The following RYR2 variants were observed in gnomAD, a reference collection of about 807,000 sequenced individuals.
RYR2 encodes ryanodine receptor 2.
A neutral mutation model predicts 601.1 loss-of-function variants in RYR2; 227 were observed. The observed-to-expected ratio is 0.38, with a 90% CI of 0.34 to 0.42. The LOEUF is 0.42. Among genes scored for constraint, RYR2 ranks in the 10% least tolerant of loss-of-function variants. The pLI, the probability that RYR2 is intolerant of heterozygous loss-of-function variation, is 1.00. For missense variants in RYR2, 4,646 were observed against 6,156.5 expected (o/e 0.75, Z 8.21); for synonymous variants, 2,223 against 2,175.1 (o/e 1.02, Z -0.61).
chr1:237,667,370 A>C (rs1388874640), intron 57 of RYR2, among the ~76,000 whole-genome samples: 2 of 152,224 alleles, frequency 1.3e-5, no homozygotes, highest in East Asian at 3.8e-4. Context: ...AGTAAACTTG[A>C]AAATCAAATG....
Position 237,445,919 on chromosome 1 carries a change from C to T in RYR2, c.1292+397C>T, listed in dbSNP as rs182647797. Reference sequence around the variant, plus strand: ...GCATCCTCTGCCTCCTGGGTTCAAGCGATTCTCCTCCCTCAGCCTCCCGAG... The same window carrying T: ...GCATCCTCTGCCTCCTGGGTTCAAGTGATTCTCCTCCCTCAGCCTCCCGAG... On this transcript the variant is annotated intron_variant, in intron 14 of 104. Coordinates refer to ENST00000366574, the MANE Select transcript of RYR2 (RefSeq NM_001035.3). 5.4e-3 allele frequency among the ~76,000 whole-genome samples: 816 copies of T among 152,164 alleles called. 11 individuals carry two copies. Among genetic ancestry groups the T allele is most frequent in the African/African-American group, 0.019 (779 of 41,524 alleles).
chr1:237,587,086 C>T (rs534553607), intron 29 of RYR2, among the ~76,000 whole-genome samples: 5 of 152,280 alleles, frequency 3.3e-5, no homozygotes, highest in Non-Finnish European at 5.9e-5. Context: ...CTGTGTTAGT[C>T]ATCTTTTACT....
chr1:237,800,474 G>GA (rs1480589694), intron 97 of RYR2, among the ~76,000 whole-genome samples: 1 of 151,870 alleles, frequency 6.6e-6, no homozygotes, highest in Non-Finnish European at 1.5e-5. Context: ...AACCCTTAGT[G>GA]AAAAAAATCT....
At chr1:237,295,553 C>T (rs1006742128) in intron 2 of RYR2, among the ~76,000 whole-genome samples, 8 of 151,938 alleles carry the variant, frequency 5.3e-5, no homozygotes, top group South Asian at 2.1e-4. Flanking sequence ...TCTTAATCAC[C>T]GAAAATACAA....
intron 24 of RYR2, among the ~76,000 whole-genome samples, chr1:237,516,511 C>T (rs565186000): frequency 6.6e-6 from 1 of 152,316 alleles, no homozygotes; most frequent in South Asian, 2.1e-4. Flanking sequence ...ATTCTCACCA[C>T]TCCACTCCGT....
chr1:237,452,827 C>T (rs1658364925), intron 14 of RYR2, among the ~76,000 whole-genome samples: 1 of 151,286 alleles, frequency 6.6e-6, no homozygotes, highest in Non-Finnish European at 1.5e-5. Context: ...TGATATACAT[C>T]TTTGTATTAG....
chr1:237,645,938 G>A (rs1231095662), intron 48 of RYR2, among the ~76,000 whole-genome samples: 5 of 149,718 alleles, frequency 3.3e-5, no homozygotes, highest in Non-Finnish European at 5.9e-5. Context: ...ATGCAGTGGC[G>A]CAGTCTTGGC....
At chr1:237,168,002 AAAC>A (rs1382050638) in intron 1 of RYR2, among the ~76,000 whole-genome samples, 2 of 152,206 alleles carry the variant, frequency 1.3e-5, no homozygotes, top group African/African-American at 2.4e-5. Context: ...AGCAAACCCC[AAAC>A]AACAACAATT....
In RYR2 at chr1:237,548,561, C is replaced by T. The variant is rs777740439; in HGVS notation, c.3037C>T (p.Arg1013Trp). ...TAATGTGTGGGCGCGGGATCGAATC[C>T]GGCAGGGCTGGACTTATGGCATCCA... The part of the protein sequence containing the change: ...AHNVWARDRI[R>W]QGWTYGIQQD... Residue 1013 changes from arginine to tryptophan, a missense_variant, in exon 26 of 105, where the codon CGG (arginine) becomes TGG (tryptophan). Coordinates refer to ENST00000366574, the MANE Select transcript of RYR2 (RefSeq NM_001035.3). 31 of 1,613,798 alleles carry T rather than the reference C, an allele frequency of 1.9e-5. No homozygotes were observed. The highest frequency in any genetic ancestry group is 2.5e-5 in the Non-Finnish European group (30 of 1,179,880).
At chr1:237,775,572 T>C (rs1213020911) in intron 87 of RYR2, among the ~76,000 whole-genome samples, 1 of 152,204 alleles carries the variant, frequency 6.6e-6, no homozygotes, top group Non-Finnish European at 1.5e-5. Flanking sequence ...TTCAAACTTC[T>C]ACTAACTATA....
At chr1:237,768,225 C>CA (rs1693991314) in intron 84 of RYR2, among the ~76,000 whole-genome samples, 1 of 152,118 alleles carries the variant, frequency 6.6e-6, no homozygotes, top group Non-Finnish European at 1.5e-5. Context: ...GATATAAACA[C>CA]AATTAATAAA....
intron 58 of RYR2, among the ~76,000 whole-genome samples, chr1:237,673,015 C>T (rs1333888087): frequency 2.0e-5 from 3 of 152,192 alleles, no homozygotes; most frequent in Non-Finnish European, 4.4e-5. Flanking sequence ...CCTTTGCTTG[C>T]TTATTTATTG....
intron 24 of RYR2, among the ~76,000 whole-genome samples, chr1:237,516,391 T>C (rs753043049): frequency 1.3e-5 from 2 of 152,174 alleles, no homozygotes; most frequent in African/African-American, 4.8e-5. Context: ...AATGCTGGGA[T>C]TGCAGGCGTG....
intron 66 of RYR2, among the ~76,000 whole-genome samples, 176 bp from the exon 67 acceptor site, chr1:237,705,037 T>C (rs564755902): frequency 6.6e-6 from 1 of 152,204 alleles, no homozygotes; most frequent in African/African-American, 2.4e-5. Context: ...TTTCAAATGG[T>C]GAGGATATTG....
intron 1 of RYR2, among the ~76,000 whole-genome samples, chr1:237,060,911 A>T (rs1474999562): frequency 6.6e-6 from 1 of 152,232 alleles, no homozygotes; most frequent in African/African-American, 2.4e-5. Context: ...TCTGCTGGAT[A>T]TATACCTATG....
At chr1:237,643,920 CCATTGTTTTTAAAGCT>C (rs1274332072) in intron 48 of RYR2, among the ~76,000 whole-genome samples, 3 of 152,056 alleles carry the variant, frequency 2.0e-5, no homozygotes, top group Non-Finnish European at 4.4e-5. Flanking sequence ...AGACTTTTTT[CCATTGTTTTTAAAGCT>C]CATTGTTTTT....
chr1:237,656,037 C>G, intron 53 of RYR2, 53 bp downstream of exon 53: 1 of 1,568,404 alleles, frequency 6.4e-7, no homozygotes, highest in South Asian at 1.2e-5. Flanking sequence ...TGTGTGAAGT[C>G]TGAAATTGAA....
At chr1:237,496,272 G>A (rs1456782000) in intron 19 of RYR2, among the ~76,000 whole-genome samples, 1 of 152,164 alleles carries the variant, frequency 6.6e-6, no homozygotes, top group Non-Finnish European at 1.5e-5. Context: ...GTTGGGCGTG[G>A]TGGCACTCGC....
intron 39 of RYR2, 104 bp from the exon 40 acceptor site, chr1:237,625,557 C>A: frequency 1.8e-6 from 2 of 1,128,878 alleles, no homozygotes; most frequent in Non-Finnish European, 2.5e-6. Context: ...ATGTTTTTGA[C>A]ATTGTTCTAA....
Sources: gnomAD v4.1 joint callset for allele counts (sites outside exome capture counted in the v4.1 genomes callset) on GRCh38, gnomAD v4.1.1 for gene constraint, MANE v1.5 for transcripts, NCBI Gene and HGNC (gene_info 2026-07-23, HGNC 2026-07-21) for gene names.